Variants in MYO5A observed in about 807,000 individuals in gnomAD.
MYO5A encodes the protein unconventional myosin-Va.
A neutral mutation model predicts 249.7 loss-of-function variants in MYO5A; 98 were observed. The observed-to-expected ratio is 0.39, with a 90% CI of 0.33 to 0.46. The LOEUF is 0.46. Among genes scored for constraint, MYO5A ranks in the 20% least tolerant of loss-of-function variants. The probability of loss-of-function intolerance (pLI) is 0.98; values close to 1 mark genes in which losing one functional copy is unlikely to be tolerated. For synonymous variants in MYO5A, 778 were observed against 810.6 expected (o/e 0.96, Z 0.68); for missense variants, 1,696 against 2,308.8 (o/e 0.73, Z 5.44).
At position 52,308,967 on chromosome 15, in the gene MYO5A, A is replaced by G. The variant is rs2037697212; in HGVS notation, c.*4729T>C. ...CCATCAACACCTACGGCATGCACAC[A>G]CTGCAGTGCCCACGCACACACTGAC... On this transcript the variant is annotated 3_prime_UTR_variant, in exon 42 of 42. Transcript: ENST00000399233. The G allele has an allele frequency of 6.5e-6, 1 of 152,684 alleles. No individual in the cohort carries two copies. Among genetic ancestry groups the G allele is most frequent in the Admixed American group, 6.5e-5 (1 of 15,280 alleles). The allele number at this position is 152,684 out of a possible 1,614,324, so 9.5% of individuals were successfully genotyped here.
chr15:52,488,490 T>G (rs2076869319), intron 1 of MYO5A, among the ~76,000 whole-genome samples: 1 of 152,250 alleles, frequency 6.6e-6, no homozygotes, highest in East Asian at 1.9e-4. Context: ...AAAATTCTGC[T>G]GCTGGTGCTA....
chr15:52,504,621 G>A (rs1159741226), intron 1 of MYO5A, among the ~76,000 whole-genome samples: 2 of 152,106 alleles, frequency 1.3e-5, no homozygotes, highest in Admixed American at 6.5e-5. Flanking sequence ...CTGACAGAAC[G>A]CTGGGCGAGG....
intron 1 of MYO5A, among the ~76,000 whole-genome samples, chr15:52,445,033 C>T (rs2075859243): frequency 6.6e-6 from 1 of 151,468 alleles, no homozygotes; most frequent in Non-Finnish European, 1.5e-5. Context: ...TGCTCCCCAG[C>T]TTTGGGAATC....
At chr15:52,479,347 C>T (rs77823577) in intron 1 of MYO5A, among the ~76,000 whole-genome samples, 5,116 of 152,050 alleles carry the variant, frequency 0.034, 262 homozygotes, top group African/African-American at 0.11. Flanking sequence ...CTAGTATTTA[C>T]GTATACTTTA....
chr15:52,479,804 T>C (rs1323126284), intron 1 of MYO5A, among the ~76,000 whole-genome samples: 3 of 152,232 alleles, frequency 2.0e-5, no homozygotes, highest in African/African-American at 7.2e-5. Context: ...ACATTTATCA[T>C]TCTGCCCAAT....
At chr15:52,382,195 C>T (rs2041778155) in intron 16 of MYO5A, among the ~76,000 whole-genome samples, 2 of 152,248 alleles carry the variant, frequency 1.3e-5, no homozygotes, top group South Asian at 4.1e-4. Context: ...AGCCACTGCA[C>T]CCGGCTGACG....
At chr15:52,431,841 A>C (rs1262254027) in intron 2 of MYO5A, among the ~76,000 whole-genome samples, 1 of 152,124 alleles carries the variant, frequency 6.6e-6, no homozygotes, top group Admixed American at 6.6e-5. Context: ...TTTAAAAATT[A>C]GCCAGGCATG....
chr15:52,459,641 A>G (rs1595722444), intron 1 of MYO5A, among the ~76,000 whole-genome samples: 1 of 152,112 alleles, frequency 6.6e-6, no homozygotes. Flanking sequence ...ATTCGACAAA[A>G]CCGCCATTGT....
intron 28 of MYO5A, among the ~76,000 whole-genome samples, chr15:52,350,960 A>C (rs113817862): frequency 6.6e-6 from 1 of 152,348 alleles, no homozygotes; most frequent in South Asian, 2.1e-4. Context: ...ATTTAATAAA[A>C]TTTTATTTTA....
chr15:52,465,433 C>T (rs1369468796), intron 1 of MYO5A, among the ~76,000 whole-genome samples: 5 of 151,780 alleles, frequency 3.3e-5, no homozygotes, highest in African/African-American at 9.7e-5. Flanking sequence ...TAAAAAACTT[C>T]TGGGTGCCAA....
At chr15:52,399,364 C>T (rs1248726752) in intron 9 of MYO5A, among the ~76,000 whole-genome samples, 1 of 152,128 alleles carries the variant, frequency 6.6e-6, no homozygotes, top group Non-Finnish European at 1.5e-5. Context: ...GTGGTACAAT[C>T]GTACCTCACT....
At chr15:52,403,697 A>G (rs992406124) in intron 9 of MYO5A, among the ~76,000 whole-genome samples, 1 of 152,244 alleles carries the variant, frequency 6.6e-6, no homozygotes, top group Non-Finnish European at 1.5e-5. Flanking sequence ...ATGATATACG[A>G]ATTATATCTC....
In MYO5A at chr15:52,367,097, T is replaced by C. The variant is rs754856360; in HGVS notation, c.3094A>G (p.Thr1032Ala). The change falls in exon 23 of 42, where the codon ACT (threonine) becomes GCT (alanine). Residue 1032 changes from threonine (T) to alanine (A), a missense_variant. Physicochemically the swap from Thr to Ala is moderately conservative, Grantham distance 58 (BLOSUM62 0). Around this residue, in one of 5 missense-constraint regions of MYO5A, gnomAD observed 412 missense variants for 453.3 expected, o/e 0.91. Transcript: ENST00000399233. ...GCTTCTTTTTCTTGCTTCAGCAAAG[T>C]ATTTTCTTCCTTCAGATTTGATACC... ...QLVSNLKEEN[T>A]LLKQEKEALN... 6.2e-7 allele frequency: 1 copy of C among 1,613,702 alleles called. No homozygotes were observed. The highest frequency in any genetic ancestry group is 1.3e-5 in the African/African-American group (1 of 75,036).
chr15:52,503,879 C>G (rs1484072688), intron 1 of MYO5A, among the ~76,000 whole-genome samples: 1 of 152,098 alleles, frequency 6.6e-6, no homozygotes, highest in African/African-American at 2.4e-5. Context: ...AAACATTTTA[C>G]CATTAATCTA....
intron 32 of MYO5A, among the ~76,000 whole-genome samples, chr15:52,339,043 A>C (rs924933755): frequency 2.0e-5 from 3 of 152,186 alleles, no homozygotes; most frequent in Non-Finnish European, 4.4e-5. Flanking sequence ...TTTTCCCCAC[A>C]AATTAGTGAG....
chr15:52,392,712 T>A (rs2042299300), intron 11 of MYO5A, among the ~76,000 whole-genome samples: 1 of 152,236 alleles, frequency 6.6e-6, no homozygotes, highest in Admixed American at 6.5e-5. Context: ...TTGCTTCTCA[T>A]CTCCATTCAC....
At chr15:52,431,437 G>C (rs1292998090) in intron 2 of MYO5A, among the ~76,000 whole-genome samples, 1 of 151,800 alleles carries the variant, frequency 6.6e-6, no homozygotes, top group East Asian at 1.9e-4. Context: ...CATAAAGTAA[G>C]TATAGATGGT....
chr15:52,372,117 A>AAC lies in MYO5A; in HGVS notation c.2817+5_2817+6dup. The AAC allele has an allele frequency of 6.2e-7, 1 of 1,613,408 alleles. No individual in the cohort carries two copies. The highest frequency in any genetic ancestry group is 8.5e-7 in the Non-Finnish European group (1 of 1,179,974). On this transcript the variant is annotated splice_region_variant and intron_variant, in intron 21 of 41. Transcript: ENST00000399233. ...CTCCACTCTCAGGGCCCCTTTGTGA[A>AAC]ACACACCTGCTCATCAACTTTGCGC...
intron 6 of MYO5A, among the ~76,000 whole-genome samples, chr15:52,408,933 A>G (rs1487476116): frequency 4.6e-5 from 7 of 152,326 alleles, no homozygotes; most frequent in East Asian, 1.9e-4. Context: ...ACCAATGACC[A>G]CAAGCATGAT....
Sources: allele counts gnomAD v4.1 joint callset (sites outside exome capture counted in the v4.1 genomes callset), GRCh38; gene constraint gnomAD v4.1.1; regional missense constraint gnomAD v4.1.1; transcripts MANE v1.5; gene names NCBI Gene and HGNC (gene_info 2026-07-23, HGNC 2026-07-21).